Variants in ST6GALNAC5 observed in about 807,000 individuals in gnomAD.
The protein encoded by ST6GALNAC5 is ST6 N-acetylgalactosaminide alpha-2,6-sialyltransferase 5.
ST6GALNAC5 carries 27 observed loss-of-function variants against 33.6 expected under a neutral mutation model. The ratio of observed to expected loss-of-function variants is 0.80; its 90% CI spans 0.59 to 1.11. The LOEUF (loss-of-function observed/expected upper bound fraction) is 1.11. ST6GALNAC5 is among the 50% of genes least tolerant of loss of function. The probability of loss-of-function intolerance (pLI) is 0.00; values close to 1 mark genes in which losing one functional copy is unlikely to be tolerated. For synonymous variants in ST6GALNAC5, 194 were observed against 171.2 expected (o/e 1.13, Z -1.04); for missense variants, 428 against 454.0 (o/e 0.94, Z 0.52).
chr1:76,961,967 T>C (rs1385019544), intron 2 of ST6GALNAC5, among the ~76,000 whole-genome samples: 2 of 152,204 alleles, frequency 1.3e-5, no homozygotes, highest in Non-Finnish European at 2.9e-5. Context: ...CCACAGAAGA[T>C]GCTGAATAAA....
chr1:76,888,536 C>T (rs1653946741), intron 2 of ST6GALNAC5, among the ~76,000 whole-genome samples: 1 of 151,960 alleles, frequency 6.6e-6, no homozygotes, highest in South Asian at 2.1e-4. Context: ...TTGTAATTTT[C>T]TAAGTTATTG....
At chr1:76,960,013 C>G (rs1419945144) in intron 2 of ST6GALNAC5, among the ~76,000 whole-genome samples, 1 of 152,144 alleles carries the variant, frequency 6.6e-6, no homozygotes, top group Non-Finnish European at 1.5e-5. Flanking sequence ...CTCTATGAGG[C>G]CTGACCCTTT....
At position 77,063,298 on chromosome 1, in the gene ST6GALNAC5, C is replaced by A. The variant is rs1652656891; in HGVS notation, c.*92C>A. 2 of 1,126,584 alleles carry A rather than the reference C, an allele frequency of 1.8e-6. No homozygotes were observed. The highest frequency in any genetic ancestry group is 2.6e-6 in the Non-Finnish European group (2 of 771,492). The allele number at this position is 1,126,584 out of a possible 1,614,324, so 69.8% of individuals were successfully genotyped here. The stretch of plus-strand genomic sequence containing the variant: ...TGAGCCACCAGACAGGAAAGGGTAG[C>A]AGAAAACAGCTTCACTCCTCAGGAA... On this transcript the variant is annotated 3_prime_UTR_variant, in exon 5 of 5. Transcript: ENST00000477717.
At chr1:76,903,715 T>C (rs769275473) in intron 2 of ST6GALNAC5, among the ~76,000 whole-genome samples, 2 of 152,096 alleles carry the variant, frequency 1.3e-5, no homozygotes, top group Non-Finnish European at 2.9e-5. Flanking sequence ...TATTTGGCCA[T>C]AAGAAGCAAT....
chr1:77,019,855 T>C lies in ST6GALNAC5; in HGVS notation c.262-24349T>C, dbSNP rs188323400. ...TCCTAGTTATGGAAATGTAGGAGTG[T>C]CTGTCTGATGGTTCATTTCTAACCC... On this transcript the variant is annotated intron_variant, in intron 2 of 4. Transcript: ENST00000477717. 2.5e-3 allele frequency among the ~76,000 whole-genome samples: 375 copies of C among 152,314 alleles called. 3 individuals are homozygous for C. The highest frequency in any genetic ancestry group is 4.7e-3 in the Non-Finnish European group (323 of 68,026).
intron 2 of ST6GALNAC5, among the ~76,000 whole-genome samples, chr1:76,999,416 T>G (rs954672985): frequency 5.3e-5 from 8 of 152,088 alleles, no homozygotes; most frequent in Admixed American, 1.3e-4. Context: ...GGTACAAACT[T>G]GCTCCTGCTG....
At chr1:76,967,363 A>G (rs1002859169) in intron 2 of ST6GALNAC5, among the ~76,000 whole-genome samples, 30 of 152,132 alleles carry the variant, frequency 2.0e-4, no homozygotes, top group Non-Finnish European at 4.0e-4. Context: ...CATTTCTTCT[A>G]TATTTTCTAG....
At chr1:76,980,652 G>C (rs1218766950) in intron 2 of ST6GALNAC5, among the ~76,000 whole-genome samples, 1 of 152,088 alleles carries the variant, frequency 6.6e-6, no homozygotes, top group Non-Finnish European at 1.5e-5. Context: ...ATGCTACCTG[G>C]ACAACTGCAT....
intron 2 of ST6GALNAC5, among the ~76,000 whole-genome samples, chr1:76,983,874 A>T (rs1444455727): frequency 6.6e-6 from 1 of 152,214 alleles, no homozygotes; most frequent in Non-Finnish European, 1.5e-5. Context: ...AAACCACACA[A>T]CTACATGGAA....
intron 2 of ST6GALNAC5, among the ~76,000 whole-genome samples, chr1:77,043,029 G>C (rs1281190812): frequency 6.6e-6 from 1 of 152,128 alleles, no homozygotes; most frequent in African/African-American, 2.4e-5. Context: ...CATGTCTCAG[G>C]AAACTCCCAA....
In ST6GALNAC5 at chr1:76,880,820, C is replaced by G. The variant is rs1259442196; in HGVS notation, c.261+12078C>G. On this transcript the variant is annotated intron_variant, in intron 2 of 4. Transcript: ENST00000477717. ...GACACTTAGCATTAACTATCACACT[C>G]ATGCTATGGTGAATGTGGATATAAT... Among the ~76,000 whole-genome samples the G allele has an allele frequency of 3.9e-5, 6 of 152,312 alleles. No individual in the cohort carries two copies. The East Asian group carries it at 1.2e-3, about 29-fold the overall frequency.
chr1:77,012,391 A>G (rs187246044), intron 2 of ST6GALNAC5, among the ~76,000 whole-genome samples: 2 of 152,306 alleles, frequency 1.3e-5, no homozygotes, highest in African/African-American at 4.8e-5. Context: ...TTGCTCCGGA[A>G]ATAAGGAAAA....
intron 2 of ST6GALNAC5, among the ~76,000 whole-genome samples, chr1:76,925,179 T>C (rs1026731910): frequency 1.3e-5 from 2 of 151,912 alleles, no homozygotes; most frequent in African/African-American, 4.8e-5. Context: ...AATTCACTCA[T>C]CACCAAGAGG....
chr1:76,895,168 A>G (rs1410842348), intron 2 of ST6GALNAC5, among the ~76,000 whole-genome samples: 1 of 152,202 alleles, frequency 6.6e-6, no homozygotes, highest in Admixed American at 6.5e-5. Context: ...CTGGATGTGT[A>G]CGTGCAGGTC....
chr1:76,981,628 G>C (rs34760364), intron 2 of ST6GALNAC5, among the ~76,000 whole-genome samples: 21,449 of 147,138 alleles, frequency 0.15, 2,003 homozygotes, highest in Admixed American at 0.29. Context: ...GCTCTGAAGA[G>C]AGCAGTTGTT....
At chr1:76,894,537 A>G (rs891001297) in intron 2 of ST6GALNAC5, among the ~76,000 whole-genome samples, 1 of 152,166 alleles carries the variant, frequency 6.6e-6, no homozygotes, top group Non-Finnish European at 1.5e-5. Flanking sequence ...GCCTTCCCTG[A>G]GGACTTGATA....
intron 2 of ST6GALNAC5, among the ~76,000 whole-genome samples, chr1:77,036,249 C>T (rs1651642047): frequency 6.6e-6 from 1 of 152,072 alleles, no homozygotes; most frequent in African/African-American, 2.4e-5. Context: ...TTAGTGGTTG[C>T]CTAGGGCTGG....
chr1:76,897,563 G>T (rs1646760864), intron 2 of ST6GALNAC5, among the ~76,000 whole-genome samples: 1 of 152,144 alleles, frequency 6.6e-6, no homozygotes, highest in African/African-American at 2.4e-5. Flanking sequence ...AGATGGTAAG[G>T]AGTGTGTGAT....
chr1:76,907,511 T>A (rs988988006), intron 2 of ST6GALNAC5, among the ~76,000 whole-genome samples: 4 of 152,144 alleles, frequency 2.6e-5, no homozygotes, highest in Admixed American at 6.6e-5. Flanking sequence ...TTAGTCAGTT[T>A]TCACTGGCTG....
Sources: allele counts gnomAD v4.1 joint callset (sites outside exome capture counted in the v4.1 genomes callset), GRCh38; gene constraint gnomAD v4.1.1; transcripts MANE v1.5; gene names NCBI Gene and HGNC (gene_info 2026-07-23, HGNC 2026-07-21).